BBS12: variants seen among roughly 807,000 people sequenced by gnomAD.
The protein encoded by BBS12 is Bardet-Biedl syndrome 12.
Under a neutral mutation model 5.6 loss-of-function variants are expected in BBS12, and 5 were observed. The ratio of observed to expected loss-of-function variants is 0.89; its 90% CI spans 0.46 to 1.86. The LOEUF is 1.86. BBS12 is among the 40% of genes most tolerant of loss of function. The pLI, the probability that BBS12 is intolerant of heterozygous loss-of-function variation, is 0.01. For synonymous variants in BBS12, 308 were observed against 306.8 expected, an observed-to-expected ratio of 1.00 and a Z score of -0.04; for missense variants, 748 against 830.4, an observed-to-expected ratio of 0.90 and a Z score of 1.22.
upstream of BBS12, chr4:122,730,636 C>A (rs1800685028): frequency 6.6e-6 from 1 of 152,212 alleles, no homozygotes; most frequent in South Asian, 2.1e-4. Flanking sequence ...CAAGCATTTC[C>A]TGTAAAACAA....
Position 122,742,480 on chromosome 4 carries a change from A to C in BBS12, c.588A>C (p.Ser196=). 1 of 1,614,082 alleles carries C rather than the reference A, an allele frequency of 6.2e-7. No homozygotes were observed. The change falls in exon 2 of 2, where the codon TCA becomes TCC. Residue 196 remains serine, a synonymous_variant. Coordinates refer to ENST00000314218, the MANE Select transcript of BBS12 (RefSeq NM_152618.3). ...ACCTTTCTGGGAGACCTCTTAAATC[A>C]TATGAATTATTTAAACCTCAGACAA... The part of the protein sequence containing the change: ...ISNLSGRPLK[S]YELFKPQTKV...
chr4:122,734,663 T>C (rs1800759323), intron 1 of BBS12, among the ~76,000 whole-genome samples: 1 of 152,180 alleles, frequency 6.6e-6, no homozygotes, highest in Admixed American at 6.5e-5. Context: ...ATTTCGAGGA[T>C]CTCTTGGATC....
the BBS12 span, among the ~76,000 whole-genome samples, chr4:122,716,712 CATATGTGTGTATAT>C: frequency 0.042 from 3,964 of 94,424 alleles, 294 homozygotes; most frequent in African/African-American, 0.2. Flanking sequence ...TATACATACA[CATATGTGTGTATAT>C]ACACACACAC....
chr4:122,712,934 T>C, the BBS12 span, among the ~76,000 whole-genome samples: 1 of 152,182 alleles, frequency 6.6e-6, no homozygotes, highest in Non-Finnish European at 1.5e-5. Flanking sequence ...ATAAAATATC[T>C]CAAGATGTCA....
the BBS12 span, among the ~76,000 whole-genome samples, chr4:122,721,282 A>G: frequency 6.6e-6 from 1 of 152,234 alleles, no homozygotes; most frequent in Non-Finnish European, 1.5e-5. Context: ...AAGACAAAAA[A>G]TAATAATTAT....
Position 122,744,220 on chromosome 4 carries a change from G to T in BBS12, c.*195G>T, listed in dbSNP as rs572224528. The T allele has an allele frequency of 2.8e-5, 17 of 611,624 alleles. No individual in the cohort carries two copies. Among genetic ancestry groups the T allele is most frequent in the Non-Finnish European group, 4.9e-5 (17 of 346,688 alleles). The allele number at this position is 611,624 out of a possible 1,614,324, so 37.9% of individuals were successfully genotyped here. Reference sequence around the variant, plus strand: ...TAACAAGTTAGCCTGTTACTGTTTCGTGGGATGCTACAGAATGCATAAGAC... The same window carrying T: ...TAACAAGTTAGCCTGTTACTGTTTCTTGGGATGCTACAGAATGCATAAGAC... On this transcript the variant is annotated 3_prime_UTR_variant, in exon 2 of 2. Transcript: ENST00000314218.
chr4:122,742,720 T>C lies in BBS12; in HGVS notation c.828T>C (p.Ser276=). 2 of 1,614,184 alleles carry C rather than the reference T, an allele frequency of 1.2e-6. No homozygotes were observed. The highest frequency in any genetic ancestry group is 1.3e-5 in the African/African-American group (1 of 75,032). ...TGGTAGAGTTGGCAGTAGGCTTGAG[T>C]CATGGAGATCACAGCAGCATGAAGT... ...NDLVELAVGL[S]HGDHSSMKLV... is the part of the protein sequence containing the mutation. The change falls in exon 2 of 2, where the codon AGT becomes AGC. Residue 276 remains serine, a synonymous_variant. Coordinates refer to ENST00000314218, the MANE Select transcript of BBS12 (RefSeq NM_152618.3).
chr4:122,725,419 T>C, the BBS12 span, among the ~76,000 whole-genome samples: 2 of 152,158 alleles, frequency 1.3e-5, no homozygotes, highest in African/African-American at 2.4e-5. Context: ...AATAGGCACA[T>C]AGACCAATGG....
the BBS12 span, among the ~76,000 whole-genome samples, chr4:122,705,087 G>T: frequency 2.0e-5 from 3 of 152,126 alleles, no homozygotes; most frequent in Admixed American, 6.6e-5. Context: ...ACCATAAGAA[G>T]AACTTCTGCG....
the BBS12 span, among the ~76,000 whole-genome samples, chr4:122,706,569 C>T: frequency 6.6e-6 from 1 of 151,832 alleles, no homozygotes; most frequent in Non-Finnish European, 1.5e-5. Flanking sequence ...GACCCCATCT[C>T]AGAAAAGAAA....
At chr4:122,739,378 G>T (rs1800831520) in intron 1 of BBS12, among the ~76,000 whole-genome samples, 1 of 152,182 alleles carries the variant, frequency 6.6e-6, no homozygotes, top group African/African-American at 2.4e-5. Flanking sequence ...AAAGATATTT[G>T]CTCCTCCTTT....
At chr4:122,701,911 T>A in the BBS12 span, among the ~76,000 whole-genome samples, 1 of 152,150 alleles carries the variant, frequency 6.6e-6, no homozygotes, top group East Asian at 1.9e-4. Context: ...TCAAGCAGCA[T>A]GATTGCTCCT....
chr4:122,737,574 AC>A (rs1800801373), intron 1 of BBS12, among the ~76,000 whole-genome samples: 1 of 152,206 alleles, frequency 6.6e-6, no homozygotes, highest in African/African-American at 2.4e-5. Context: ...GAAATGAAAA[AC>A]AAAACCCAAA....
At position 122,743,291 on chromosome 4, in the gene BBS12, G is replaced by A. The variant is rs13135778; in HGVS notation, c.1399G>A (p.Asp467Asn). The A allele has an allele frequency of 0.2, 329,588 of 1,613,942 alleles. 37,042 individuals carry two copies. Among genetic ancestry groups the A allele is most frequent in the Non-Finnish European group, 0.23 (276,328 of 1,179,854 alleles). Residue 467 changes from aspartate to asparagine, a missense_variant, in exon 2 of 2, where the codon GAC becomes AAC. Transcript: ENST00000314218. ...ITQVNEDCVG[D>N]GVCVTFWRSS... ...ACAAGTGAATGAAGATTGTGTGGGC[G>A]ACGGGGTCTGCGTGACCTTCTGGAG... is the stretch of plus-strand genomic sequence containing the variant.
chr4:122,726,423 A>G, the BBS12 span, among the ~76,000 whole-genome samples: 1 of 149,606 alleles, frequency 6.7e-6, no homozygotes, highest in African/African-American at 2.5e-5. Flanking sequence ...TCAAAAAATA[A>G]TAGATGTTGG....
chr4:122,704,230 A>C, the BBS12 span, among the ~76,000 whole-genome samples: 2 of 152,356 alleles, frequency 1.3e-5, no homozygotes, highest in Non-Finnish European at 2.9e-5. Context: ...GTAAAACAGC[A>C]AAAGAACTAA....
chr4:122,712,527 G>T, the BBS12 span, among the ~76,000 whole-genome samples: 1 of 152,176 alleles, frequency 6.6e-6, no homozygotes, highest in African/African-American at 2.4e-5. Context: ...TCTTTCGAAT[G>T]GACTGCACAT....
rs1235235698 is a variant in BBS12, at chr4:122,742,704, T to C, written c.812T>C (p.Leu271Ser). 3 of 1,614,116 alleles carry C rather than the reference T, an allele frequency of 1.9e-6. No homozygotes were observed. Among genetic ancestry groups the C allele is most frequent in the Non-Finnish European group, 2.5e-6 (3 of 1,180,050 alleles). Reference protein sequence around the residue: ...KTYRCNDLVELAVGLSHGDHS... With the variant: ...KTYRCNDLVESAVGLSHGDHS... The stretch of plus-strand genomic sequence containing the variant: ...TACAGATGTAATGATTTGGTAGAGT[T>C]GGCAGTAGGCTTGAGTCATGGAGAT... The change falls in exon 2 of 2, where the codon TTG (leucine) becomes TCG (serine). Residue 271 changes from leucine (L) to serine (S), a missense_variant. Leu to Ser is a moderately radical substitution (Grantham distance 145). Coordinates refer to ENST00000314218, the MANE Select transcript of BBS12 (RefSeq NM_152618.3).
At position 122,743,992 on chromosome 4, in the gene BBS12, T is replaced by C. The variant is rs145847043; in HGVS notation, c.2100T>C (p.Asn700=). 87 of 1,613,970 alleles carry C rather than the reference T, an allele frequency of 5.4e-5. No homozygotes were observed. The Middle Eastern group carries it at 8.2e-4, about 15-fold the overall frequency. The change falls in exon 2 of 2, where the codon AAT becomes AAC. Residue 700 remains asparagine, a synonymous_variant. Coordinates refer to ENST00000314218, the MANE Select transcript of BBS12 (RefSeq NM_152618.3). ...IITGHGHTQI[N]SQELTGFLFL ...CTGGACATGGACACACACAGATAAA[T>C]TCACAGGAATTAACGGGCTTTCTAT...
Sources: allele counts gnomAD v4.1 joint callset (sites outside exome capture counted in the v4.1 genomes callset), GRCh38; gene constraint gnomAD v4.1.1; transcripts MANE v1.5; gene names NCBI Gene and HGNC (gene_info 2026-07-23, HGNC 2026-07-21).